The following SGCD variants were observed in gnomAD, a reference collection of about 807,000 sequenced individuals.
SGCD encodes the protein delta-sarcoglycan.
In SGCD, 18 loss-of-function variants were observed where a neutral mutation model predicts 36.6. The ratio of observed to expected loss-of-function variants is 0.49; its 90% confidence interval spans 0.34 to 0.73. The LOEUF is 0.73. SGCD is among the 30% of genes least tolerant of loss of function. The probability of loss-of-function intolerance (pLI) is 0.01; values close to 1 mark genes in which losing one functional copy is unlikely to be tolerated. For synonymous variants in SGCD, 133 were observed against 130.6 expected (o/e 1.02, Z -0.12); for missense variants, 387 against 346.7 (o/e 1.12, Z -0.92).
At chr5:156,329,412 T>A in intron 1 of SGCD, 122 bp from the exon 2 acceptor site, 1 of 722,214 alleles carries the variant, frequency 1.4e-6, no homozygotes, top group Admixed American at 2.1e-5. Flanking sequence ...CTGCCCTGCC[T>A]TCTGGAAGTA....
At chr5:156,758,023 A>T in intron 8 of SGCD, 7 of 1,146,560 alleles carry the variant, frequency 6.1e-6, no homozygotes, top group Non-Finnish European at 7.5e-6. Context: ...CAACATAATT[A>T]AGCTGTATAT....
chr5:156,727,714 T>C (rs1755848802), intron 7 of SGCD, among the ~76,000 whole-genome samples: 1 of 152,182 alleles, frequency 6.6e-6, no homozygotes, highest in South Asian at 2.1e-4. Context: ...AGAATAATAA[T>C]GCCAATATTA....
chr5:155,813,203 C>T, the SGCD span, among the ~76,000 whole-genome samples: 1 of 151,422 alleles, frequency 6.6e-6, no homozygotes, highest in Non-Finnish European at 1.5e-5. Flanking sequence ...GTATGGGATG[C>T]TATGTAGCAA....
At chr5:156,141,805 C>T (rs1002015923) in intron 3 of SGCD, among the ~76,000 whole-genome samples, 1 of 152,170 alleles carries the variant, frequency 6.6e-6, no homozygotes. Flanking sequence ...AAAATAGGAG[C>T]TTAAGACATT....
chr5:156,270,119 TA>T (rs1423998559), intron 3 of SGCD, among the ~76,000 whole-genome samples: 1 of 152,174 alleles, frequency 6.6e-6, no homozygotes, highest in African/African-American at 2.4e-5. Flanking sequence ...AAGCACTGTT[TA>T]GGGGGTCCTT....
At chr5:155,863,654 G>T in the SGCD span, among the ~76,000 whole-genome samples, 1 of 116,250 alleles carries the variant, frequency 8.6e-6, no homozygotes, top group Non-Finnish European at 2.1e-5. Flanking sequence ...TCTTGAAACG[G>T]TTGCATTTTC....
At chr5:156,253,570 T>A (rs1265515896) in intron 3 of SGCD, among the ~76,000 whole-genome samples, 1 of 152,206 alleles carries the variant, frequency 6.6e-6, no homozygotes, top group African/African-American at 2.4e-5. Flanking sequence ...TATAGAAGGC[T>A]TCCTATCGCC....
At chr5:155,773,217 G>A in the SGCD span, among the ~76,000 whole-genome samples, 1 of 152,144 alleles carries the variant, frequency 6.6e-6, no homozygotes, top group East Asian at 1.9e-4. Context: ...TACCCTTTAA[G>A]CAGGAAGCCT....
At chr5:156,140,147 C>A (rs1762544755) in intron 3 of SGCD, among the ~76,000 whole-genome samples, 1 of 152,094 alleles carries the variant, frequency 6.6e-6, no homozygotes, top group South Asian at 2.1e-4. Flanking sequence ...TTTGTTACAG[C>A]AGTACAAAAT....
intron 4 of SGCD, among the ~76,000 whole-genome samples, chr5:156,578,235 GA>G (rs1289695973): frequency 3.3e-5 from 5 of 152,134 alleles, no homozygotes; most frequent in African/African-American, 7.2e-5. Flanking sequence ...TGCATATGTT[GA>G]ACCAGCCTTG....
At chr5:155,749,627 G>A in the SGCD span, among the ~76,000 whole-genome samples, 1 of 152,190 alleles carries the variant, frequency 6.6e-6, no homozygotes, top group Non-Finnish European at 1.5e-5. Flanking sequence ...TTAAAGGGGG[G>A]CAGCCAAAAA....
intron 3 of SGCD, among the ~76,000 whole-genome samples, chr5:156,421,727 G>C (rs995182216): frequency 4.6e-5 from 7 of 152,010 alleles, no homozygotes; most frequent in African/African-American, 1.7e-4. Flanking sequence ...CTCTCTGTTG[G>C]GGTCCATTTG....
At position 156,285,238 on chromosome 5, in the gene SGCD, G is replaced by T. The variant is rs761641783; in HGVS notation, c.-43-44296G>T. On this transcript the variant is annotated intron_variant, in intron 3 of 9. Coordinates refer to the SGCD transcript ENST00000517913. Reference sequence around the variant, plus strand: ...AGGAAGAATCAATATCGTGAAAATGGCCATACTGCCCAAGGGAATTTATGG... The same window carrying T: ...AGGAAGAATCAATATCGTGAAAATGTCCATACTGCCCAAGGGAATTTATGG... Among the ~76,000 whole-genome samples the T allele has an allele frequency of 5.9e-5, 9 of 152,090 alleles. 1 individual carries two copies. Among genetic ancestry groups the T allele is most frequent in the Non-Finnish European group, 1.3e-4 (9 of 68,022 alleles).
At chr5:156,655,302 T>G (rs368986812) in intron 7 of SGCD, among the ~76,000 whole-genome samples, 1 of 152,162 alleles carries the variant, frequency 6.6e-6, no homozygotes, top group Non-Finnish European at 1.5e-5. Context: ...TCTTGGCTGC[T>G]AGAGGTTTTC....
At chr5:156,737,853 A>G (rs1756453753) in intron 7 of SGCD, among the ~76,000 whole-genome samples, 1 of 152,152 alleles carries the variant, frequency 6.6e-6, no homozygotes, top group African/African-American at 2.4e-5. Flanking sequence ...CTCTCATTGT[A>G]TACAGGAGAA....
chr5:156,726,199 G>C (rs1359000711), intron 7 of SGCD, among the ~76,000 whole-genome samples: 1 of 152,088 alleles, frequency 6.6e-6, no homozygotes, highest in Non-Finnish European at 1.5e-5. Flanking sequence ...CAGAGACCTT[G>C]CCTATTACAA....
At chr5:156,469,354 C>G (rs1754856922) in intron 3 of SGCD, among the ~76,000 whole-genome samples, 1 of 152,158 alleles carries the variant, frequency 6.6e-6, no homozygotes, top group Non-Finnish European at 1.5e-5. Flanking sequence ...CTGCCATAGC[C>G]TGTATTATGA....
At chr5:156,348,257 G>T (rs1769049236) in intron 3 of SGCD, among the ~76,000 whole-genome samples, 2 of 152,074 alleles carry the variant, frequency 1.3e-5, no homozygotes, top group Admixed American at 1.3e-4. Flanking sequence ...CCTAGCCAGA[G>T]CAATCAAGAA....
the SGCD span, among the ~76,000 whole-genome samples, chr5:155,839,932 A>C: frequency 8.0e-6 from 1 of 125,068 alleles, no homozygotes; most frequent in South Asian, 2.3e-4. Context: ...TCTGCCTTTG[A>C]AAACACTTTT....
Sources: allele counts gnomAD v4.1 joint callset (sites outside exome capture counted in the v4.1 genomes callset), GRCh38; gene constraint gnomAD v4.1.1; transcripts MANE v1.5; gene names NCBI Gene and HGNC (gene_info 2026-07-23, HGNC 2026-07-21).